The following PRDM2 variants were observed in gnomAD, a reference collection of about 807,000 sequenced individuals.
PRDM2 encodes the protein PR domain zinc finger protein 2.
PRDM2 carries 30 observed loss-of-function variants against 130.0 expected under a neutral mutation model. The observed-to-expected ratio is 0.23, with a 90% CI of 0.17 to 0.31. The LOEUF (loss-of-function observed/expected upper bound fraction) is 0.31. Among genes scored for constraint, PRDM2 ranks in the 10% least tolerant of loss-of-function variants. The pLI, the probability that PRDM2 is intolerant of heterozygous loss-of-function variation, is 1.00. For synonymous variants in PRDM2, 871 were observed against 782.4 expected (o/e 1.11, Z -1.89); for missense variants, 2,011 against 2,108.4 (o/e 0.95, Z 0.90).
At position 13,778,644 on chromosome 1, in the gene PRDM2, T is replaced by G. The variant is rs2076324; in HGVS notation, c.849T>G (p.Asp283Glu). 1.3e-6 allele frequency: 2 copies of G among 1,594,184 alleles called. No homozygotes were observed. Among genetic ancestry groups the G allele is most frequent in the East Asian group, 4.5e-5 (2 of 44,642 alleles). The change falls in exon 8 of 10, where the codon GAT (aspartate) becomes GAG (glutamate). Residue 283 changes from aspartate to glutamate, a missense_variant. By Grantham distance (45) the Asp-to-Glu change is conservative. Transcript: ENST00000311066. ...EEEEDEEEEE[D>E]DDDDELEDEG... The stretch of plus-strand genomic sequence containing the variant: ...AGGAGGATGAAGAAGAAGAAGAAGA[T>G]GATGATGATGATGAGTTGGAAGACG...
intron 8 of PRDM2, chr1:13,787,339 C>T (rs1434369892): frequency 7.1e-6 from 7 of 984,846 alleles, no homozygotes; most frequent in Non-Finnish European, 8.4e-6. Context: ...ACTTGCATCT[C>T]TAATAGAGAT....
chr1:13,736,080 C>G (rs1384426279), intron 4 of PRDM2, among the ~76,000 whole-genome samples: 1 of 149,156 alleles, frequency 6.7e-6, no homozygotes, highest in Non-Finnish European at 1.5e-5. Flanking sequence ...ATATCTATGT[C>G]TACTACTTAT....
intron 6 of PRDM2, among the ~76,000 whole-genome samples, chr1:13,757,008 T>C (rs1003505629): frequency 6.6e-6 from 1 of 152,252 alleles, no homozygotes; most frequent in East Asian, 1.9e-4. Flanking sequence ...AGGACAGTTA[T>C]ACTGTATAAA....
chr1:13,793,652 T>G (rs1472485252), intron 8 of PRDM2, among the ~76,000 whole-genome samples: 1 of 152,224 alleles, frequency 6.6e-6, no homozygotes, highest in East Asian at 1.9e-4. Context: ...TAAAGGCTTC[T>G]AGAATGATGT....
intron 6 of PRDM2, 140 bp downstream of exon 6, chr1:13,749,627 T>A: frequency 2.7e-6 from 1 of 369,704 alleles, no homozygotes; most frequent in Non-Finnish European, 3.7e-6. Flanking sequence ...CTCGGTGACC[T>A]TTTCCGGACT....
chr1:13,789,840 C>T (rs2100701795), intron 8 of PRDM2, among the ~76,000 whole-genome samples: 1 of 152,360 alleles, frequency 6.6e-6, no homozygotes, highest in Middle Eastern at 3.4e-3. Context: ...CTGATAGTTA[C>T]AGAAAATGGT....
At chr1:13,774,742 C>G (rs563037629) in intron 7 of PRDM2, among the ~76,000 whole-genome samples, 1 of 151,964 alleles carries the variant, frequency 6.6e-6, no homozygotes, top group Non-Finnish European at 1.5e-5. Context: ...TTTGGGAGGC[C>G]GAGGCGGGTG....
chr1:13,752,769 G>A (rs1399830039), intron 6 of PRDM2, among the ~76,000 whole-genome samples: 2 of 152,140 alleles, frequency 1.3e-5, no homozygotes, highest in African/African-American at 4.8e-5. Flanking sequence ...TGAAAAAGAC[G>A]GGATGCCTGG....
intron 6 of PRDM2, among the ~76,000 whole-genome samples, chr1:13,759,913 A>G (rs999776017): frequency 6.6e-6 from 1 of 152,218 alleles, no homozygotes; most frequent in Non-Finnish European, 1.5e-5. Flanking sequence ...TTTTTGGACC[A>G]GGGGTTTAAG....
intron 6 of PRDM2, among the ~76,000 whole-genome samples, chr1:13,758,009 A>T (rs1039871979): frequency 6.6e-6 from 1 of 151,974 alleles, no homozygotes; most frequent in Non-Finnish European, 1.5e-5. Flanking sequence ...TGATTTCCTC[A>T]TTGTCTTTAT....
intron 6 of PRDM2, among the ~76,000 whole-genome samples, chr1:13,753,045 A>G (rs974694660): frequency 6.6e-6 from 1 of 152,122 alleles, no homozygotes; most frequent in Non-Finnish European, 1.5e-5. Context: ...CATTTAATCA[A>G]TGGGGATTTA....
chr1:13,802,980 G>A (rs148680390), intron 8 of PRDM2, among the ~76,000 whole-genome samples: 10 of 152,320 alleles, frequency 6.6e-5, no homozygotes, highest in Admixed American at 3.3e-4. Flanking sequence ...TGGAGGAACC[G>A]CTCCTCCACC....
intron 2 of PRDM2, among the ~76,000 whole-genome samples, chr1:13,720,227 G>A (rs570967455): frequency 4.6e-5 from 7 of 152,308 alleles, no homozygotes; most frequent in Middle Eastern, 3.4e-3. Flanking sequence ...AAAAACATTA[G>A]TATGTGTTGA....
chr1:13,742,131 A>G lies in PRDM2; in HGVS notation c.358A>G (p.Arg120Gly). The change falls in exon 5 of 10, where the codon AGA (arginine) becomes GGA (glycine). Residue 120 changes from arginine (R) to glycine (G), a missense_variant. Transcript: ENST00000311066. Reference protein sequence around the residue: ...EQNLFPLEINRAIYYKTLKPI... With the variant: ...EQNLFPLEINGAIYYKTLKPI... Reference sequence around the variant, plus strand: ...AAATTTATTCCCACTGGAAATCAACAGAGCCATTTACTATAAAACTTTAAA... The same window carrying G: ...AAATTTATTCCCACTGGAAATCAACGGAGCCATTTACTATAAAACTTTAAA... 2 of 1,614,010 alleles carry G rather than the reference A, an allele frequency of 1.2e-6. No homozygotes were observed. The highest frequency in any genetic ancestry group is 1.7e-6 in the Non-Finnish European group (2 of 1,179,854).
At chr1:13,784,527 T>G (rs1644694427) in intron 8 of PRDM2, among the ~76,000 whole-genome samples, 1 of 152,202 alleles carries the variant, frequency 6.6e-6, no homozygotes, top group Non-Finnish European at 1.5e-5. Context: ...TTGGAAAAAT[T>G]AAGTTCTGCA....
chr1:13,744,720 C>T (rs181910294), intron 5 of PRDM2, among the ~76,000 whole-genome samples: 36 of 152,278 alleles, frequency 2.4e-4, no homozygotes, highest in Non-Finnish European at 3.7e-4. Flanking sequence ...TATACTAGTA[C>T]TATTATTTTT....
intron 6 of PRDM2, among the ~76,000 whole-genome samples, chr1:13,766,170 C>T (rs759634222): frequency 6.6e-6 from 1 of 152,132 alleles, no homozygotes; most frequent in African/African-American, 2.4e-5. Flanking sequence ...TACCCTGTTC[C>T]CTAGGGTCTG....
intron 7 of PRDM2, among the ~76,000 whole-genome samples, chr1:13,777,631 TC>T (rs200177440): frequency 1.8e-4 from 1 of 5,476 alleles, no homozygotes; most frequent in African/African-American, 1.2e-3. Flanking sequence ...GGGCTCCTCC[TC>T]CCACCCCCCC....
Position 13,780,298 on chromosome 1 carries a change from G to A in PRDM2, c.2503G>A (p.Glu835Lys). ...DLSSGVKQKA[E>K]GTGKTPVQWE... is the part of the protein sequence containing the mutation. Reference sequence around the variant, plus strand: ...ATCCAGCGGTGTCAAACAGAAGGCTGAGGGTACAGGCAAGACTCCAGTCCA... The same window carrying A: ...ATCCAGCGGTGTCAAACAGAAGGCTAAGGGTACAGGCAAGACTCCAGTCCA... The change falls in exon 8 of 10, where the codon GAG (glutamate) becomes AAG (lysine). Residue 835 changes from glutamate to lysine, a missense_variant. Physicochemically the swap from Glu to Lys is moderately conservative, Grantham distance 56. This residue lies in a region of PRDM2 where 1,288 missense variants were observed against 1,237.7 expected (regional missense o/e 1.04). Coordinates refer to ENST00000311066, the MANE Select transcript of PRDM2 (RefSeq NM_001393986.1). 1 of 1,614,148 alleles carries A rather than the reference G, an allele frequency of 6.2e-7. No individual in the cohort carries two copies. The highest frequency in any genetic ancestry group is 2.2e-5 in the East Asian group (1 of 44,874).
Sources: gnomAD v4.1 joint callset for allele counts (sites outside exome capture counted in the v4.1 genomes callset) on GRCh38, gnomAD v4.1.1 for gene constraint, gnomAD v4.1.1 regional missense constraint, MANE v1.5 for transcripts, NCBI Gene and HGNC (gene_info 2026-07-23, HGNC 2026-07-21) for gene names.